CNTN4: variants seen among roughly 807,000 people sequenced by gnomAD.
CNTN4 encodes the protein contactin 4.
In CNTN4, 77 loss-of-function variants were observed where a neutral mutation model predicts 122.5. The observed-to-expected ratio is 0.63, with a 90% CI of 0.52 to 0.76. CNTN4 has a LOEUF of 0.76. CNTN4 is among the 30% of genes least tolerant of loss of function. The probability of loss-of-function intolerance (pLI) is 0.00; values close to 1 mark genes in which losing one functional copy is unlikely to be tolerated. For missense variants in CNTN4, 1,256 were observed against 1,259.1 expected, an observed-to-expected ratio of 1.00 and a Z score of 0.04; for synonymous variants, 512 against 447.0, an observed-to-expected ratio of 1.15 and a Z score of -1.83.
chr3:2,668,541 G>A (rs551634843), intron 4 of CNTN4, among the ~76,000 whole-genome samples: 11 of 152,294 alleles, frequency 7.2e-5, no homozygotes, highest in African/African-American at 2.2e-4. Flanking sequence ...TCTGCAAACA[G>A]GGACAATTTG....
intron 7 of CNTN4, among the ~76,000 whole-genome samples, chr3:2,848,966 A>C (rs138098391): frequency 6.6e-6 from 1 of 152,352 alleles, no homozygotes; most frequent in East Asian, 1.9e-4. Flanking sequence ...GATTTTAAAA[A>C]AGATTAGAAT....
At chr3:2,426,397 C>T (rs150902328) in intron 3 of CNTN4, among the ~76,000 whole-genome samples, 2 of 152,154 alleles carry the variant, frequency 1.3e-5, no homozygotes, top group African/African-American at 4.8e-5. Flanking sequence ...GTTGAAGCAG[C>T]CTTGCATCCC....
chr3:2,321,655 G>A (rs978130476), intron 2 of CNTN4, among the ~76,000 whole-genome samples: 11 of 151,356 alleles, frequency 7.3e-5, no homozygotes, highest in Admixed American at 2.6e-4. Flanking sequence ...AGATTGTCTC[G>A]GAGGTCTTGA....
chr3:2,161,222 G>T (rs1300843180), intron 2 of CNTN4, among the ~76,000 whole-genome samples: 3 of 152,056 alleles, frequency 2.0e-5, no homozygotes, highest in Non-Finnish European at 4.4e-5. Context: ...GGATGCTGGA[G>T]GATAAGGGTG....
intron 4 of CNTN4, among the ~76,000 whole-genome samples, chr3:2,683,384 A>T (rs138596627): frequency 1.3e-5 from 2 of 151,950 alleles, no homozygotes; most frequent in Non-Finnish European, 2.9e-5. Flanking sequence ...GCTTTTATCG[A>T]AAGTTTTGTT....
intron 4 of CNTN4, among the ~76,000 whole-genome samples, chr3:2,619,148 T>G (rs1462450471): frequency 6.6e-6 from 1 of 152,210 alleles, no homozygotes; most frequent in Non-Finnish European, 1.5e-5. Flanking sequence ...CTTTGTGTCT[T>G]CAGCATCCTT....
intron 2 of CNTN4, among the ~76,000 whole-genome samples, chr3:2,281,757 T>C (rs572865515): frequency 6.6e-6 from 1 of 152,240 alleles, no homozygotes; most frequent in East Asian, 1.9e-4. Flanking sequence ...AGTATAATTA[T>C]AGGAATTAAT....
chr3:2,206,630 A>G (rs1033961213), intron 2 of CNTN4, among the ~76,000 whole-genome samples: 24 of 152,236 alleles, frequency 1.6e-4, no homozygotes, highest in Middle Eastern at 3.4e-3. Context: ...TTATTGATCA[A>G]TTATGGCCCC....
Position 2,922,544 on chromosome 3 carries a change from T to C in CNTN4, c.1208-3085T>C, listed in dbSNP as rs1418220873. Among the ~76,000 whole-genome samples, 3 of 152,090 alleles carry C rather than the reference T, an allele frequency of 2.0e-5. No homozygotes were observed. In the East Asian group the frequency reaches 5.8e-4, roughly 29 times the overall value. ...CAGTTTATGGTTACAACTGATAAAT[T>C]TGCAGGGTTAGATAACTTCAGAAGC... On this transcript the variant is annotated intron_variant, in intron 12 of 24. Coordinates refer to ENST00000418658, the MANE Select transcript of CNTN4 (RefSeq NM_175607.3).
intron 4 of CNTN4, among the ~76,000 whole-genome samples, chr3:2,618,279 TA>T (rs2081854392): frequency 1.3e-5 from 2 of 152,262 alleles, no homozygotes; most frequent in Admixed American, 1.3e-4. Context: ...TATATGTGTA[TA>T]AATAATATAT....
rs1050232305 is a variant in CNTN4 at position 2,396,302 on chromosome 3, G to C, written c.-89+57069G>C. On this transcript the variant is annotated intron_variant, in intron 3 of 24. Transcript: ENST00000418658. ...GGCCTTCCAAAGTGCTGGGATTACA[G>C]GCATGAGCCAAAGCGCCCAGCCTAG... is the stretch of plus-strand genomic sequence containing the variant. 2.0e-5 allele frequency among the ~76,000 whole-genome samples: 3 copies of C among 152,338 alleles called. No individual in the cohort carries two copies. In the South Asian group the frequency reaches 6.2e-4, roughly 32 times the overall value.
intron 3 of CNTN4, among the ~76,000 whole-genome samples, chr3:2,410,310 G>GT (rs1487252666): frequency 6.6e-6 from 1 of 152,118 alleles, no homozygotes; most frequent in Non-Finnish European, 1.5e-5. Context: ...AGAGAATTCT[G>GT]TAAGAGTCAT....
At chr3:2,239,960 A>G (rs900089168) in intron 2 of CNTN4, among the ~76,000 whole-genome samples, 3 of 152,212 alleles carry the variant, frequency 2.0e-5, no homozygotes, top group African/African-American at 7.2e-5. Context: ...GCTCAAGGTT[A>G]TCTTGTATCT....
At chr3:2,300,330 A>T (rs562583459) in intron 2 of CNTN4, among the ~76,000 whole-genome samples, 1 of 152,114 alleles carries the variant, frequency 6.6e-6, no homozygotes, top group East Asian at 1.9e-4. Context: ...CTGAAAGTTC[A>T]GGGTAGATTT....
intron 3 of CNTN4, among the ~76,000 whole-genome samples, chr3:2,415,277 A>G (rs1051548347): frequency 6.6e-6 from 1 of 152,210 alleles, no homozygotes; most frequent in Non-Finnish European, 1.5e-5. Flanking sequence ...GTATTTTATA[A>G]AAGTATTGAT....
chr3:2,543,829 GT>G (rs2078130038), intron 3 of CNTN4, among the ~76,000 whole-genome samples: 1 of 152,040 alleles, frequency 6.6e-6, no homozygotes, highest in African/African-American at 2.4e-5. Flanking sequence ...GTTGTTTTAA[GT>G]GCTGTTTTAC....
chr3:2,787,623 A>G (rs1461575579), intron 6 of CNTN4, among the ~76,000 whole-genome samples: 1 of 152,136 alleles, frequency 6.6e-6, no homozygotes, highest in Admixed American at 6.6e-5. Context: ...GATTTAGTCT[A>G]GTTCACTTAC....
At chr3:2,366,627 T>G (rs972930772) in intron 3 of CNTN4, among the ~76,000 whole-genome samples, 1 of 151,950 alleles carries the variant, frequency 6.6e-6, no homozygotes, top group Non-Finnish European at 1.5e-5. Flanking sequence ...CTCGGGAAAC[T>G]GAGGCAGGAG....
At chr3:2,489,435 T>A (rs1466440493) in intron 3 of CNTN4, among the ~76,000 whole-genome samples, 4 of 152,186 alleles carry the variant, frequency 2.6e-5, no homozygotes, top group Admixed American at 2.6e-4. Context: ...ACCCTCTTTT[T>A]TCTCATTCCC....
Sources: allele counts gnomAD v4.1 joint callset (sites outside exome capture counted in the v4.1 genomes callset), GRCh38; gene constraint gnomAD v4.1.1; transcripts MANE v1.5; gene names NCBI Gene and HGNC (gene_info 2026-07-23, HGNC 2026-07-21).